Variants in SLC25A30 observed in about 807,000 individuals in gnomAD.
SLC25A30 encodes the protein solute carrier family 25 member 30, also known as kidney mitochondrial carrier protein 1.
A neutral mutation model predicts 42.7 loss-of-function variants in SLC25A30; 29 were observed. That is an observed-to-expected ratio of 0.68 (90% CI 0.51 to 0.93). The LOEUF (loss-of-function observed/expected upper bound fraction) is 0.93. Ranked by LOEUF, SLC25A30 falls within the 40% of genes least tolerant of loss-of-function variation. SLC25A30 has a pLI of 0.00. For synonymous variants in SLC25A30, 124 were observed against 131.0 expected, an observed-to-expected ratio of 0.95 and a Z score of 0.37; for missense variants, 300 against 359.7, an observed-to-expected ratio of 0.83 and a Z score of 1.34.
chr13:45,423,163 C>A (rs763999342), upstream of SLC25A30, among the ~76,000 whole-genome samples: 2 of 151,970 alleles, frequency 1.3e-5, no homozygotes, highest in Non-Finnish European at 2.9e-5. Flanking sequence ...TGGAGAGTCT[C>A]TATAATTTGA....
At chr13:45,423,815 A>T in the SLC25A30 span, among the ~76,000 whole-genome samples, 483 of 55,640 alleles carry the variant, frequency 8.7e-3, 10 homozygotes, top group African/African-American at 0.03. Flanking sequence ...TATATATAAA[A>T]ATATAAATAT....
At chr13:45,425,081 A>AATATATATGTATATATACAT in the SLC25A30 span, among the ~76,000 whole-genome samples, 66 of 30,172 alleles carry the variant, frequency 2.2e-3, 1 homozygote, top group African/African-American at 5.4e-3. Context: ...CATATATATA[A>AATATATATGTATATATACAT]ATATATAAAT....
intron 2 of SLC25A30, among the ~76,000 whole-genome samples, chr13:45,410,605 G>A (rs1055508803): frequency 1.3e-5 from 2 of 152,106 alleles, no homozygotes; most frequent in African/African-American, 2.4e-5. Context: ...TTGAGCTTGG[G>A]AGTCGAGACC....
At chr13:45,401,885 C>A (rs1882015715) in intron 6 of SLC25A30, among the ~76,000 whole-genome samples, 1 of 151,868 alleles carries the variant, frequency 6.6e-6, no homozygotes, top group African/African-American at 2.4e-5. Context: ...CATGGTGAAA[C>A]CCCATCTCTA....
At position 45,395,330 on chromosome 13, in the gene SLC25A30, G is replaced by C; in HGVS notation, c.*644C>G. 2.0e-6 allele frequency: 2 copies of C among 986,594 alleles called. No homozygotes were observed. Among genetic ancestry groups the C allele is most frequent in the Non-Finnish European group, 2.4e-6 (2 of 830,720 alleles). 61.1% of individuals were successfully genotyped at this position (986,594 alleles called of 1,614,324 possible). A position where few individuals can be genotyped will look rare whatever the true frequency, so the allele number is the denominator to read the frequency against. On this transcript the variant is annotated 3_prime_UTR_variant, in exon 10 of 10. Coordinates refer to ENST00000519676, the MANE Select transcript of SLC25A30 (RefSeq NM_001010875.4). ...CACATAACACCACCACGAATTTAGA[G>C]ATTATTACTTTGTAACAATTTCTCA...
intron 9 of SLC25A30, 80 bp from the exon 10 acceptor site, chr13:45,396,095 C>A (rs1041342107): frequency 2.5e-6 from 4 of 1,613,404 alleles, no homozygotes; most frequent in Non-Finnish European, 3.4e-6. Flanking sequence ...ACAAATGGCA[C>A]ACTTAATAAC....
At chr13:45,424,113 A>AAG in the SLC25A30 span, among the ~76,000 whole-genome samples, 317 of 86,702 alleles carry the variant, frequency 3.7e-3, 2 homozygotes, top group African/African-American at 0.015. Flanking sequence ...AAAAATATAT[A>AAG]TAAATATATA....
intron 8 of SLC25A30, chr13:45,397,862 C>T (rs1195008595): frequency 1.0e-6 from 1 of 984,760 alleles, no homozygotes; most frequent in East Asian, 1.1e-4. Context: ...ATGAACTCCA[C>T]ACAAAGGAGA....
At chr13:45,405,320 T>C (rs1352444114) in intron 4 of SLC25A30, among the ~76,000 whole-genome samples, 1 of 152,252 alleles carries the variant, frequency 6.6e-6, no homozygotes, top group Non-Finnish European at 1.5e-5. Flanking sequence ...GACGACTTAT[T>C]TGGCACAGAA....
the SLC25A30 span, among the ~76,000 whole-genome samples, chr13:45,424,152 T>TATAGATAAATATATAA: frequency 1.1e-5 from 1 of 87,202 alleles, no homozygotes; most frequent in Non-Finnish European, 2.0e-5. Flanking sequence ...AATATAAGTA[T>TATAGATAAATATATAA]ATATATAGAA....
chr13:45,410,821 A>C (rs548318202), intron 2 of SLC25A30, among the ~76,000 whole-genome samples: 1 of 152,284 alleles, frequency 6.6e-6, no homozygotes, highest in Admixed American at 6.5e-5. Context: ...CAAAACAAAA[A>C]ATTTTAAAAA....
At chr13:45,416,006 G>GCC (rs1883497049) in intron 1 of SLC25A30, among the ~76,000 whole-genome samples, 1 of 150,998 alleles carries the variant, frequency 6.6e-6, no homozygotes, top group Non-Finnish European at 1.5e-5. Context: ...CACCATGTTG[G>GCC]TTAGGCTGGT....
At chr13:45,423,821 A>ATTTATATAT in the SLC25A30 span, among the ~76,000 whole-genome samples, 1 of 79,188 alleles carries the variant, frequency 1.3e-5, no homozygotes, top group Non-Finnish European at 2.1e-5. Flanking sequence ...TAAAAATATA[A>ATTTATATAT]ATATATATTT....
chr13:45,424,674 T>C, the SLC25A30 span, among the ~76,000 whole-genome samples: 10 of 64,968 alleles, frequency 1.5e-4, 2 homozygotes, highest in Admixed American at 5.1e-4. Flanking sequence ...GAAATATATA[T>C]AGTTATATAT....
the SLC25A30 span, among the ~76,000 whole-genome samples, chr13:45,430,056 AT>A: frequency 1.3e-5 from 2 of 151,396 alleles, no homozygotes; most frequent in Admixed American, 6.6e-5. Context: ...ATGAAGCTAA[AT>A]TTTTTTTTAA....
chr13:45,430,671 T>C, the SLC25A30 span, among the ~76,000 whole-genome samples: 1 of 151,922 alleles, frequency 6.6e-6, no homozygotes, highest in East Asian at 1.9e-4. Context: ...TAGCCAGACA[T>C]GGTGGTGTGC....
At chr13:45,398,011 C>T (rs1405031121) in intron 8 of SLC25A30, 2 of 985,220 alleles carry the variant, frequency 2.0e-6, no homozygotes, top group Non-Finnish European at 2.4e-6. Context: ...CACTATTTCC[C>T]AAGATGTCAG....
At chr13:45,397,143 G>A in intron 9 of SLC25A30, 115 bp downstream of exon 9, 2 of 739,804 alleles carry the variant, frequency 2.7e-6, no homozygotes, top group South Asian at 1.7e-5. Flanking sequence ...AGCATCAGAG[G>A]AACTCAAAAT....
In SLC25A30 at chr13:45,393,797, CT is replaced by C. The variant is rs1458891146; in HGVS notation, c.*2176del. On this transcript the variant is annotated 3_prime_UTR_variant, in exon 10 of 10. Transcript: ENST00000519676. ...AAGTCTACACTGAAGAAATACTATG[CT>C]TTTATCTTAAATCGTGCTTAAGTTT... The C allele has an allele frequency of 1.0e-6, 1 of 985,266 alleles. No individual in the cohort carries two copies. Among genetic ancestry groups the C allele is most frequent in the African/African-American group, 1.7e-5 (1 of 57,240 alleles). 61.0% of individuals were successfully genotyped at this position (985,266 alleles called of 1,614,324 possible).
Sources: allele counts gnomAD v4.1 joint callset (sites outside exome capture counted in the v4.1 genomes callset), GRCh38; gene constraint gnomAD v4.1.1; transcripts MANE v1.5; gene names NCBI Gene and HGNC (gene_info 2026-07-23, HGNC 2026-07-21).